The following ZFPM2 variants were observed in gnomAD, a reference collection of about 807,000 sequenced individuals.
The protein encoded by ZFPM2 is zinc finger protein, FOG family member 2.
A neutral mutation model predicts 98.6 loss-of-function variants in ZFPM2; 20 were observed. The ratio of observed to expected loss-of-function variants is 0.20; its 90% CI spans 0.14 to 0.29. The LOEUF (loss-of-function observed/expected upper bound fraction) is 0.29, where lower values mean the gene tolerates loss of function less well. Among genes scored for constraint, ZFPM2 ranks in the 10% least tolerant of loss-of-function variants. ZFPM2 has a pLI of 1.00. For synonymous variants in ZFPM2, 518 were observed against 502.7 expected, an observed-to-expected ratio of 1.03 and a Z score of -0.41; for missense variants, 1,310 against 1,388.6, an observed-to-expected ratio of 0.94 and a Z score of 0.90.
chr8:105,433,561 T>A (rs1586368400), intron 2 of ZFPM2, among the ~76,000 whole-genome samples: 1 of 151,872 alleles, frequency 6.6e-6, no homozygotes, highest in Non-Finnish European at 1.5e-5. Flanking sequence ...GCCGAGGCGG[T>A]TGGATCACAA....
chr8:105,419,343 A>T (rs1325434308), intron 2 of ZFPM2, 41 bp downstream of exon 2: 1 of 1,586,352 alleles, frequency 6.3e-7, no homozygotes, highest in Non-Finnish European at 8.5e-7. Context: ...AGTCCACTTA[A>T]ATGATTTTGT....
chr8:105,658,712 A>G (rs1360139739), intron 5 of ZFPM2, among the ~76,000 whole-genome samples: 1 of 151,996 alleles, frequency 6.6e-6, no homozygotes. Flanking sequence ...GAATGAATTT[A>G]AAGATTTTCT....
chr8:105,503,495 A>T (rs778438078), intron 3 of ZFPM2, among the ~76,000 whole-genome samples: 2 of 152,192 alleles, frequency 1.3e-5, no homozygotes, highest in Non-Finnish European at 2.9e-5. Context: ...AAAAAACAAG[A>T]TAAAGACCAT....
At chr8:105,488,045 T>C (rs1402495228) in intron 3 of ZFPM2, among the ~76,000 whole-genome samples, 1 of 152,034 alleles carries the variant, frequency 6.6e-6, no homozygotes, top group Non-Finnish European at 1.5e-5. Flanking sequence ...CCCCAACATA[T>C]ATACAACCCT....
At chr8:105,540,482 G>T (rs1361855379) in intron 3 of ZFPM2, among the ~76,000 whole-genome samples, 1 of 152,080 alleles carries the variant, frequency 6.6e-6, no homozygotes, top group Non-Finnish European at 1.5e-5. Context: ...TGTTAGCTAT[G>T]ATATGTGATA....
Position 105,419,593 on chromosome 8 carries a change from TATTC to T in ZFPM2, c.199+300_199+303del, listed in dbSNP as rs1003509019. 1.4e-3 allele frequency among the ~76,000 whole-genome samples: 209 copies of T among 152,302 alleles called. 1 individual carries two copies. Among genetic ancestry groups the T allele is most frequent in the African/African-American group, 4.8e-3 (200 of 41,566 alleles). On this transcript the variant is annotated intron_variant, in intron 2 of 7. Transcript: ENST00000407775. ...TGTGATATATTTAATGTTGATCATT[TATTC>T]ATTCATTCTTTCAACAAGAATTTAT...
intron 4 of ZFPM2, among the ~76,000 whole-genome samples, chr8:105,627,586 T>C (rs760787812): frequency 7.2e-5 from 11 of 152,174 alleles, no homozygotes; most frequent in Non-Finnish European, 1.2e-4. Flanking sequence ...AAAAACTTTG[T>C]ATAAGTGAGA....
intron 1 of ZFPM2, among the ~76,000 whole-genome samples, chr8:105,361,590 CT>C (rs1316371142): frequency 6.6e-6 from 1 of 151,986 alleles, no homozygotes; most frequent in Non-Finnish European, 1.5e-5. Flanking sequence ...ATTTATTGTT[CT>C]CTCTAGTAAC....
intron 3 of ZFPM2, among the ~76,000 whole-genome samples, chr8:105,533,151 A>C (rs996619028): frequency 6.6e-6 from 1 of 152,168 alleles, no homozygotes; most frequent in Admixed American, 6.6e-5. Context: ...AATACAGGTA[A>C]CCTGAAACTG....
At chr8:105,566,610 A>G (rs948225071) in intron 4 of ZFPM2, among the ~76,000 whole-genome samples, 16 of 152,320 alleles carry the variant, frequency 1.1e-4, no homozygotes, top group African/African-American at 3.6e-4. Flanking sequence ...GCAAGTATCA[A>G]GCAACAGTGA....
At chr8:105,379,139 CTTG>C (rs1810789129) in intron 1 of ZFPM2, among the ~76,000 whole-genome samples, 1 of 151,878 alleles carries the variant, frequency 6.6e-6, no homozygotes, top group Non-Finnish European at 1.5e-5. Flanking sequence ...AAAAATTGTT[CTTG>C]TTGATTTTTT....
intron 3 of ZFPM2, among the ~76,000 whole-genome samples, chr8:105,473,923 C>T (rs1812960395): frequency 6.6e-6 from 1 of 152,140 alleles, no homozygotes; most frequent in East Asian, 1.9e-4. Flanking sequence ...GAGAGAATAT[C>T]ATTGACTCTA....
rs1252526621 is a variant in ZFPM2, at chr8:105,564,659, TAA to T, written c.420+3180_420+3181del. Among the ~76,000 whole-genome samples, 5 of 152,132 alleles carry T rather than the reference TAA, an allele frequency of 3.3e-5. No homozygotes were observed. In the East Asian group the frequency reaches 9.6e-4, roughly 29 times the overall value. The stretch of plus-strand genomic sequence containing the variant: ...CTTCTGATTCGAGAGTCTGCTTTTT[TAA>T]AGACTCTGCCACACTGCATTCTCAG... On this transcript the variant is annotated intron_variant, in intron 4 of 7. Coordinates refer to ENST00000407775, the MANE Select transcript of ZFPM2 (RefSeq NM_012082.4).
intron 3 of ZFPM2, among the ~76,000 whole-genome samples, chr8:105,468,446 C>G (rs1360234942): frequency 6.6e-6 from 1 of 152,138 alleles, no homozygotes; most frequent in Non-Finnish European, 1.5e-5. Flanking sequence ...ACTCCCTTCT[C>G]TATGTATAAC....
intron 5 of ZFPM2, among the ~76,000 whole-genome samples, chr8:105,778,244 T>A (rs1012836680): frequency 2.7e-5 from 4 of 150,786 alleles, no homozygotes; most frequent in African/African-American, 9.9e-5. Flanking sequence ...GACCCTGAGA[T>A]CTAGGCATTA....
intron 1 of ZFPM2, among the ~76,000 whole-genome samples, chr8:105,393,780 T>A (rs1811164936): frequency 6.6e-6 from 1 of 152,196 alleles, no homozygotes; most frequent in South Asian, 2.1e-4. Flanking sequence ...AAATTGTGGA[T>A]GTTACAATAA....
intron 5 of ZFPM2, among the ~76,000 whole-genome samples, chr8:105,736,695 A>G (rs1167210747): frequency 5.9e-5 from 9 of 152,064 alleles, no homozygotes; most frequent in Non-Finnish European, 1.3e-4. Flanking sequence ...GAGTTTGCCA[A>G]TGATTGGCTA....
intron 2 of ZFPM2, among the ~76,000 whole-genome samples, chr8:105,441,189 A>C (rs1478520045): frequency 1.3e-5 from 2 of 151,430 alleles, no homozygotes; most frequent in Non-Finnish European, 2.9e-5. Context: ...AACAAAAACC[A>C]AAAAAACCCC....
chr8:105,627,115 T>C (rs554007121), intron 4 of ZFPM2, among the ~76,000 whole-genome samples: 10 of 152,312 alleles, frequency 6.6e-5, no homozygotes, highest in African/African-American at 2.2e-4. Context: ...TTATTTACCT[T>C]TGGGCTGTCG....
Sources: gnomAD v4.1 joint callset for allele counts (sites outside exome capture counted in the v4.1 genomes callset) on GRCh38, gnomAD v4.1.1 for gene constraint, MANE v1.5 for transcripts, NCBI Gene and HGNC (gene_info 2026-07-23, HGNC 2026-07-21) for gene names.